The following CYBB variants were observed in gnomAD, a reference collection of about 807,000 sequenced individuals.
CYBB encodes the protein cytochrome b-245 beta chain.
CYBB carries 5 observed loss-of-function variants against 46.5 expected under a neutral mutation model. The ratio of observed to expected loss-of-function variants is 0.11; its 90% CI spans 0.06 to 0.23. CYBB has a LOEUF of 0.23. CYBB is among the 10% of genes least tolerant of loss of function. The pLI is 1.00. For synonymous variants in CYBB, 183 were observed against 156.7 expected, an observed-to-expected ratio of 1.17 and a Z score of -1.26; for missense variants, 307 against 428.3, an observed-to-expected ratio of 0.72 and a Z score of 2.50.
intron 5 of CYBB, among the ~76,000 whole-genome samples, chrX:37,795,005 G>T (rs1375722787): frequency 9.0e-5 from 10 of 111,465 alleles, no homozygotes; most frequent in African/African-American, 3.3e-4. Flanking sequence ...TTCATTGTTT[G>T]CCCAATGATA....
At position 37,801,246 on chromosome X, in the gene CYBB, C is replaced by G; in HGVS notation, c.805-10C>G. The G allele has an allele frequency of 8.5e-7, 1 of 1,175,467 alleles. No homozygotes were observed. The highest frequency in any genetic ancestry group is 1.2e-6 in the Non-Finnish European group (1 of 862,915). The stretch of plus-strand genomic sequence containing the variant: ...AATGTATCTCATTTTCATTTTTGCT[C>G]TGATTACAGACTTGGAAATGGATAG... On this transcript the variant is annotated splice_polypyrimidine_tract_variant and intron_variant, in intron 7 of 12. Transcript: ENST00000378588.
At chrX:37,797,332 G>T (rs1227291708) in intron 6 of CYBB, among the ~76,000 whole-genome samples, 1 of 111,936 alleles carries the variant, frequency 8.9e-6, no homozygotes, top group African/African-American at 3.2e-5. Context: ...CTAGAGAAGA[G>T]AAATAATTTC....
At chrX:37,789,526 AAAATAAAT>A (rs59209229) in intron 3 of CYBB, among the ~76,000 whole-genome samples, 6 of 104,279 alleles carry the variant, frequency 5.8e-5, no homozygotes, top group African/African-American at 1.8e-4. Context: ...AGAAAGAAAG[AAAATAAAT>A]AAATAAATAA....
intron 5 of CYBB, among the ~76,000 whole-genome samples, chrX:37,794,710 T>C (rs782101843): frequency 8.1e-5 from 9 of 111,524 alleles, no homozygotes; most frequent in African/African-American, 2.9e-4. Flanking sequence ...AAGTAAGAAC[T>C]TCTTCTATCC....
At chrX:37,801,173 C>A in intron 7 of CYBB, 83 bp from the exon 8 acceptor site, 1 of 630,096 alleles carries the variant, frequency 1.6e-6, no homozygotes, top group Non-Finnish European at 2.7e-6. Flanking sequence ...ATTAACTTGG[C>A]TTCTAAAATT....
chrX:37,805,157 A>C lies in CYBB; in HGVS notation c.1303A>C (p.Lys435Gln). Residue 435 changes from lysine to glutamine, a missense_variant, in exon 10 of 13, where the codon AAG becomes CAG. Transcript: ENST00000378588. Reference sequence around the variant, plus strand: ...ATATTGCAATAACGCCACCAATCTGAAGCTCAAAAAGGTAAGTCCTTTCAT... The same window carrying C: ...ATATTGCAATAACGCCACCAATCTGCAGCTCAAAAAGGTAAGTCCTTTCAT... The part of the protein sequence containing the change: ...YKYCNNATNL[K>Q]LKKIYFYWLC... The C allele has an allele frequency of 8.3e-7, 1 of 1,210,848 alleles. No individual in the cohort carries two copies. Among genetic ancestry groups the C allele is most frequent in the Non-Finnish European group, 1.1e-6 (1 of 894,837 alleles).
Position 37,804,986 on chromosome X carries a change from T to C in CYBB, c.1152-20T>C, listed in dbSNP as rs1929526920. The C allele has an allele frequency of 8.3e-7, 1 of 1,206,966 alleles. No individual in the cohort carries two copies. The highest frequency in any genetic ancestry group is 2.2e-5 in the Admixed American group (1 of 45,762). ...AGAGCAAGACATCTCTGTAACTATC[T>C]CCTCCCCATTTCCCTTCAGGATAGC... is the stretch of plus-strand genomic sequence containing the variant. On this transcript the variant is annotated intron_variant, in intron 9 of 12. Coordinates refer to ENST00000378588, the MANE Select transcript of CYBB (RefSeq NM_000397.4).
At chrX:37,809,281 A>G (rs781865784) in intron 11 of CYBB, among the ~76,000 whole-genome samples, 1 of 112,007 alleles carries the variant, frequency 8.9e-6, no homozygotes, top group Non-Finnish European at 1.9e-5. Context: ...CCCTTCCCCT[A>G]TTCTTCCACT....
intron 8 of CYBB, among the ~76,000 whole-genome samples, chrX:37,803,609 T>G (rs150257462): frequency 1.2e-4 from 13 of 110,629 alleles, no homozygotes; most frequent in South Asian, 3.8e-4. Context: ...CTACAGGGAG[T>G]GTGGAAATTG....
Position 37,805,067 on chromosome X carries a change from A to C in CYBB, c.1213A>C (p.Met405Leu). The C allele has an allele frequency of 8.3e-7, 1 of 1,211,138 alleles. No homozygotes were observed. Among genetic ancestry groups the C allele is most frequent in the Non-Finnish European group, 1.1e-6 (1 of 894,918 alleles). Residue 405 changes from methionine (M) to leucine (L), a missense_variant, in exon 10 of 13, where the codon ATG becomes CTG. By Grantham distance (15) the Met-to-Leu change is conservative. Around this residue, in one of 3 missense-constraint regions of CYBB, gnomAD observed 122 missense variants for 208.3 expected, o/e 0.59. Transcript: ENST00000378588. ...AGATGTGTTCAGCTATGAGGTGGTG[A>C]TGTTAGTGGGAGCAGGGATTGGGGT... ...SEDVFSYEVV[M>L]LVGAGIGVTP...
chrX:37,813,208 C>CTTTTTTTT lies in CYBB; in HGVS notation c.*2307_*2314dup, dbSNP rs11338914. 1.6e-5 allele frequency: 1 copy of CTTTTTTTT among 64,182 alleles called. No homozygotes were observed. Among genetic ancestry groups the CTTTTTTTT allele is most frequent in the Non-Finnish European group, 2.9e-5 (1 of 34,887 alleles). The allele number at this position is 64,182 out of a possible 1,213,427, so 5.3% of individuals were successfully genotyped here. A position where few individuals can be genotyped will look rare whatever the true frequency, so the allele number is the denominator to read the frequency against. On this transcript the variant is annotated 3_prime_UTR_variant, in exon 13 of 13. Transcript: ENST00000378588. ...CACCAGCAGCCAGCTGCCAGCCTAG[C>CTTTTTTTT]TTTTTTTTTTTTTTTTTTTTTTTAG...
intron 3 of CYBB, among the ~76,000 whole-genome samples, chrX:37,790,105 A>T (rs781887818): frequency 6.8e-4 from 76 of 112,063 alleles, no homozygotes; most frequent in Non-Finnish European, 1.2e-3. Flanking sequence ...AAAACCAAAG[A>T]ACGAAACAAA....
chrX:37,800,624 T>G (rs188547883), intron 7 of CYBB, among the ~76,000 whole-genome samples: 251 of 111,547 alleles, frequency 2.3e-3, no homozygotes, highest in African/African-American at 7.7e-3. Context: ...GACCTCAATG[T>G]TTTTATATGG....
In CYBB at chrX:37,811,128, T is replaced by A; in HGVS notation, c.*211T>A. ...GTTTTGAGAGCACTTTTACAAACAT[T>A]ATTTCATTTTTTTCCTCTCAGTAAT... is the stretch of plus-strand genomic sequence containing the variant. On this transcript the variant is annotated 3_prime_UTR_variant, in exon 13 of 13. Transcript: ENST00000378588. The A allele has an allele frequency of 2.8e-6, 1 of 352,389 alleles. No individual in the cohort carries two copies. Among genetic ancestry groups the A allele is most frequent in the Non-Finnish European group, 5.0e-6 (1 of 200,888 alleles). The allele number at this position is 352,389 out of a possible 1,213,427, so 29.0% of individuals were successfully genotyped here. A position where few individuals can be genotyped will look rare whatever the true frequency, so the allele number is the denominator to read the frequency against.
chrX:37,794,699 G>T, intron 5 of CYBB, among the ~76,000 whole-genome samples: 1 of 111,503 alleles, frequency 9.0e-6, no homozygotes, highest in East Asian at 2.8e-4. Flanking sequence ...AGGGTATCCA[G>T]AAGTAAGAAC....
chrX:37,809,675 G>A lies in CYBB; in HGVS notation c.1570G>A (p.Ala524Thr). 8.3e-7 allele frequency: 1 copy of A among 1,209,298 alleles called. No homozygotes were observed. Among genetic ancestry groups the A allele is most frequent in the Non-Finnish European group, 1.1e-6 (1 of 894,200 alleles). Reference sequence around the variant, plus strand: ...CTGGGATAATGAATTCAAGACAATTGCAAGTCAACACCCTAAGTAAGGAGT... The same window carrying A: ...CTGGGATAATGAATTCAAGACAATTACAAGTCAACACCCTAAGTAAGGAGT... ...PNWDNEFKTI[A>T]SQHPNTRIGV... The change falls in exon 12 of 13, where the codon GCA (alanine) becomes ACA (threonine). Residue 524 changes from alanine to threonine, a missense_variant. Physicochemically the swap from Ala to Thr is moderately conservative, Grantham distance 58. Transcript: ENST00000378588.
intron 11 of CYBB, among the ~76,000 whole-genome samples, chrX:37,807,480 G>T (rs1233143919): frequency 9.1e-6 from 1 of 109,444 alleles, no homozygotes; most frequent in African/African-American, 3.3e-5. Context: ...TTATTCTTAT[G>T]TATCTAGTCA....
At chrX:37,801,623 T>C (rs1220052464) in intron 8 of CYBB, among the ~76,000 whole-genome samples, 1 of 108,762 alleles carries the variant, frequency 9.2e-6, no homozygotes, top group African/African-American at 3.4e-5. Context: ...TGTGTGTGTG[T>C]GTGTGTTTGT....
intron 8 of CYBB, among the ~76,000 whole-genome samples, chrX:37,801,550 G>T (rs781872878): frequency 9.2e-6 from 1 of 108,931 alleles, no homozygotes; most frequent in Admixed American, 9.8e-5. Flanking sequence ...TTAAAATGAA[G>T]CCAAGTTCTT....
Sources: gnomAD v4.1 joint callset for allele counts (sites outside exome capture counted in the v4.1 genomes callset) on GRCh38, gnomAD v4.1.1 for gene constraint, gnomAD v4.1.1 regional missense constraint, MANE v1.5 for transcripts, NCBI Gene and HGNC (gene_info 2026-07-23, HGNC 2026-07-21) for gene names.